DLGAP2: variants seen among roughly 807,000 people sequenced by gnomAD.
The protein encoded by DLGAP2 is DLG associated protein 2, also known as disks large-associated protein 2.
A neutral mutation model predicts 100.3 loss-of-function variants in DLGAP2; 26 were observed. The ratio of observed to expected loss-of-function variants is 0.26; its 90% CI spans 0.19 to 0.36. The LOEUF (loss-of-function observed/expected upper bound fraction) is 0.36. Among genes scored for constraint, DLGAP2 ranks in the 10% least tolerant of loss-of-function variants. DLGAP2 has a pLI of 1.00. For missense variants in DLGAP2, 1,858 were observed against 1,453.2 expected, an observed-to-expected ratio of 1.28 and a Z score of -4.53; for synonymous variants, 886 against 630.1, an observed-to-expected ratio of 1.41 and a Z score of -6.08.
intron 4 of DLGAP2, among the ~76,000 whole-genome samples, chr8:1,542,914 C>T (rs1036832276): frequency 6.6e-6 from 1 of 152,094 alleles, no homozygotes; most frequent in Non-Finnish European, 1.5e-5. Context: ...CTCCAGGGGG[C>T]TTGAGTGGTA....
chr8:994,442 C>T (rs35100699), intron 2 of DLGAP2, among the ~76,000 whole-genome samples: 1,625 of 152,244 alleles, frequency 0.011, 16 homozygotes, highest in Non-Finnish European at 0.017. Context: ...TCAGGTGATC[C>T]GTCTGCCTCA....
intron 3 of DLGAP2, among the ~76,000 whole-genome samples, chr8:1,384,464 G>A (rs1422897262): frequency 1.4e-5 from 1 of 72,774 alleles, no homozygotes; most frequent in African/African-American, 5.1e-5. Flanking sequence ...ACCCCGGCCT[G>A]TGCCCGGCCC....
intron 4 of DLGAP2, among the ~76,000 whole-genome samples, chr8:1,506,118 G>C (rs1342226020): frequency 2.6e-5 from 4 of 152,168 alleles, no homozygotes; most frequent in African/African-American, 9.7e-5. Context: ...TAGAACATCA[G>C]CTAGCATAGC....
At chr8:1,556,336 C>A (rs528765466) in intron 5 of DLGAP2, among the ~76,000 whole-genome samples, 35 of 152,106 alleles carry the variant, frequency 2.3e-4, no homozygotes, top group African/African-American at 8.4e-4. Flanking sequence ...CTGCTCTGTC[C>A]TCTCCCACCC....
At chr8:896,417 G>A (rs1374632302) in intron 1 of DLGAP2, among the ~76,000 whole-genome samples, 11 of 151,930 alleles carry the variant, frequency 7.2e-5, no homozygotes, top group Non-Finnish European at 1.5e-4. Context: ...ACACCAGGGC[G>A]GGGGGGCTGG....
intron 2 of DLGAP2, among the ~76,000 whole-genome samples, chr8:1,043,842 T>A (rs1802441853): frequency 6.6e-6 from 1 of 151,992 alleles, no homozygotes; most frequent in Non-Finnish European, 1.5e-5. Flanking sequence ...AAGGACACAG[T>A]AAGGCAGTGA....
chr8:831,017 TC>T (rs1434210142), intron 1 of DLGAP2, among the ~76,000 whole-genome samples: 2 of 151,152 alleles, frequency 1.3e-5, no homozygotes, highest in Non-Finnish European at 2.9e-5. Flanking sequence ...TGCCTCAGCC[TC>T]CCAAGTAGCT....
At chr8:938,114 G>A (rs553928092) in intron 2 of DLGAP2, among the ~76,000 whole-genome samples, 2 of 152,246 alleles carry the variant, frequency 1.3e-5, no homozygotes, top group Admixed American at 6.5e-5. Context: ...GACATCAAAC[G>A]TGCAGTGTGA....
chr8:1,540,215 A>G (rs1236021990), intron 4 of DLGAP2, among the ~76,000 whole-genome samples: 2 of 152,174 alleles, frequency 1.3e-5, no homozygotes, highest in Non-Finnish European at 2.9e-5. Flanking sequence ...CCCAGCGGGT[A>G]AAGGCCCGAA....
chr8:1,622,119 C>G (rs1024797557), intron 6 of DLGAP2: 1 of 152,222 alleles, frequency 6.6e-6, no homozygotes, highest in East Asian at 1.9e-4. Flanking sequence ...CACATGTGCA[C>G]GCACAGCACA....
intron 2 of DLGAP2, among the ~76,000 whole-genome samples, chr8:1,055,725 G>A (rs539728419): frequency 9.8e-5 from 15 of 152,310 alleles, no homozygotes; most frequent in African/African-American, 3.1e-4. Context: ...ATAATAGCCC[G>A]GGAATCGGCA....
Position 1,286,933 on chromosome 8 carries a change from C to G in DLGAP2, c.106+28050C>G, listed in dbSNP as rs149711280. Among the ~76,000 whole-genome samples the G allele has an allele frequency of 5.9e-3, 906 of 152,338 alleles. 13 individuals carry two copies. The highest frequency in any genetic ancestry group is 0.02 in the African/African-American group (848 of 41,580). ...AATACAATGAGGGCTTATGCTTGAA[C>G]TGGCCATCAGCAAGTTATTTTAGGC... On this transcript the variant is annotated intron_variant, in intron 3 of 14. Transcript: ENST00000637795.
At chr8:1,116,889 A>G (rs1805134725) in intron 2 of DLGAP2, among the ~76,000 whole-genome samples, 1 of 152,232 alleles carries the variant, frequency 6.6e-6, no homozygotes, top group South Asian at 2.1e-4. Context: ...GAGTCTGAAC[A>G]CAGTTGATGG....
chr8:931,649 A>T (rs1000102751), intron 2 of DLGAP2, among the ~76,000 whole-genome samples: 13 of 152,144 alleles, frequency 8.5e-5, no homozygotes, highest in African/African-American at 2.7e-4. Flanking sequence ...TTGCCAGCCC[A>T]TTCTGAGTTT....
intron 2 of DLGAP2, among the ~76,000 whole-genome samples, chr8:1,005,414 T>TG (rs55859814): frequency 8.9e-4 from 54 of 60,524 alleles, no homozygotes; most frequent in African/African-American, 1.6e-3. Flanking sequence ...TGTTTTTTTT[T>TG]TTTTTTTTTT....
intron 3 of DLGAP2, among the ~76,000 whole-genome samples, chr8:1,306,637 A>G (rs1800498150): frequency 6.7e-6 from 1 of 149,406 alleles, no homozygotes; most frequent in Admixed American, 6.7e-5. Flanking sequence ...CCTGATTTCA[A>G]AACTTACTAC....
chr8:1,574,666 C>A (rs962447891), intron 6 of DLGAP2, among the ~76,000 whole-genome samples: 1 of 152,204 alleles, frequency 6.6e-6, no homozygotes, highest in Admixed American at 6.5e-5. Context: ...CAAATAAAAG[C>A]TTCCACTTAG....
chr8:1,701,165 C>A, intron 14 of DLGAP2, 23 bp from the exon 15 acceptor site: 1 of 1,548,524 alleles, frequency 6.5e-7, no homozygotes, highest in Non-Finnish European at 8.7e-7. Context: ...CACCTGCCAA[C>A]GGTGACTTGC....
intron 7 of DLGAP2, among the ~76,000 whole-genome samples, chr8:1,629,664 A>T (rs144330884): frequency 6.6e-6 from 1 of 152,252 alleles, no homozygotes; most frequent in Non-Finnish European, 1.5e-5. Context: ...CTTTCAGTGG[A>T]TATAACCTAG....
Sources: gnomAD v4.1 joint callset for allele counts (sites outside exome capture counted in the v4.1 genomes callset) on GRCh38, gnomAD v4.1.1 for gene constraint, MANE v1.5 for transcripts, NCBI Gene and HGNC (gene_info 2026-07-23, HGNC 2026-07-21) for gene names.